INSR: variants seen among roughly 807,000 people sequenced by gnomAD.
INSR encodes the protein insulin receptor, also known as IR.
INSR carries 67 observed loss-of-function variants against 142.6 expected under a neutral mutation model. The observed-to-expected ratio is 0.47, with a 90% CI of 0.39 to 0.58. The LOEUF (loss-of-function observed/expected upper bound fraction) is 0.58. INSR is among the 20% of genes least tolerant of loss of function. The pLI is 0.00. For synonymous variants in INSR, 756 were observed against 743.1 expected (o/e 1.02, Z -0.28); for missense variants, 1,248 against 1,833.2 (o/e 0.68, Z 5.83).
rs1973304369 is a variant in INSR at position 7,150,313 on chromosome 19, T to C, written c.2267+184A>G. Among the ~76,000 whole-genome samples the C allele has an allele frequency of 6.6e-6, 1 of 152,242 alleles. No individual in the cohort carries two copies. Among genetic ancestry groups the C allele is most frequent in the Admixed American group, 6.5e-5 (1 of 15,284 alleles). ...TAGTGAAGGTTTCTCCCCACATTCA[T>C]GCCCAGATTTCATTTCAGAGTGAAG... On this transcript the variant is annotated intron_variant, in intron 11 of 21. Transcript: ENST00000302850. The surrounding 1 kb of genome is among the most constrained non-coding windows in gnomAD (Gnocchi z 4.2).
At chr19:7,189,467 C>G (rs1974518232) in intron 2 of INSR, among the ~76,000 whole-genome samples, 1 of 152,154 alleles carries the variant, frequency 6.6e-6, no homozygotes, top group Non-Finnish European at 1.5e-5. Context: ...CAAGCAAATA[C>G]TTGAGGCTTT....
intron 13 of INSR, among the ~76,000 whole-genome samples, chr19:7,140,285 G>T (rs150445252): frequency 1.4e-3 from 212 of 152,274 alleles, no homozygotes; most frequent in Non-Finnish European, 1.8e-3. Context: ...ATCTCTGTTA[G>T]TTGTTGGCAA....
At chr19:7,257,673 GAAGA>G (rs1976937968) in intron 2 of INSR, among the ~76,000 whole-genome samples, 1 of 151,452 alleles carries the variant, frequency 6.6e-6, no homozygotes, top group African/African-American at 2.4e-5. Flanking sequence ...AGGAAGGAAG[GAAGA>G]AAGGAAGGAG....
chr19:7,203,137 C>T (rs1309431586), intron 2 of INSR, among the ~76,000 whole-genome samples: 1 of 151,790 alleles, frequency 6.6e-6, no homozygotes, highest in Non-Finnish European at 1.5e-5. Context: ...GTTATTCAAA[C>T]TTTTTGTTAC....
At position 7,163,151 on chromosome 19, in the gene INSR, T is replaced by C; in HGVS notation, c.1910A>G (p.Gln637Arg). The change falls in exon 9 of 22, where the codon CAG becomes CGG. Residue 637 changes from glutamine to arginine, a missense_variant. Physicochemically the swap from Gln to Arg is conservative, Grantham distance 43. This residue lies in a region of INSR where 1,069 missense variants were observed against 1,654.0 expected (regional missense o/e 0.65). Coordinates refer to ENST00000302850, the MANE Select transcript of INSR (RefSeq NM_000208.4). The stretch of plus-strand genomic sequence containing the variant: ...GGGTGGTTTCCACTTCAGAATAATC[T>C]GGGATGATGAGTTAGACACTGAGAT... Reference protein sequence around the residue: ...DPISVSNSSSQIILKWKPPSD... With the variant: ...DPISVSNSSSRIILKWKPPSD... 3 of 1,613,840 alleles carry C rather than the reference T, an allele frequency of 1.9e-6. No individual in the cohort carries two copies. The highest frequency in any genetic ancestry group is 2.5e-6 in the Non-Finnish European group (3 of 1,179,888).
chr19:7,151,153 T>TC (rs1457331837), intron 10 of INSR, among the ~76,000 whole-genome samples: 12 of 8,932 alleles, frequency 1.3e-3, no homozygotes, highest in African/African-American at 1.9e-3. Context: ...CTCTTTCCTT[T>TC]CTTTCTTTCT....
rs74201070 is a variant in INSR at position 7,192,937 on chromosome 19, C to G, written c.653-8300G>C. 1.3e-5 allele frequency among the ~76,000 whole-genome samples: 2 copies of G among 152,008 alleles called. No individual in the cohort carries two copies. The highest frequency in any genetic ancestry group is 4.8e-5 in the African/African-American group (2 of 41,368). On this transcript the variant is annotated intron_variant, in intron 2 of 21. Coordinates refer to ENST00000302850, the MANE Select transcript of INSR (RefSeq NM_000208.4). The surrounding 1 kb of genome is among the most constrained non-coding windows in gnomAD (Gnocchi z 4.2). ...TAAGTTGACGGAGGAGAAAGGAGACCGCTGTGTCAGAGTCCTCTGGTGGAC... is the reference window on the plus strand; with the variant it reads ...TAAGTTGACGGAGGAGAAAGGAGACGGCTGTGTCAGAGTCCTCTGGTGGAC...
chr19:7,148,290 C>T (rs1273803478), intron 11 of INSR, among the ~76,000 whole-genome samples: 2 of 152,010 alleles, frequency 1.3e-5, no homozygotes, highest in African/African-American at 4.8e-5. Context: ...CTTCTGACCC[C>T]ATCACCCAGG....
chr19:7,272,007 C>G (rs990858207), intron 1 of INSR, among the ~76,000 whole-genome samples: 11 of 148,398 alleles, frequency 7.4e-5, no homozygotes, highest in African/African-American at 2.2e-4. Flanking sequence ...AATATCTTGT[C>G]TCAAAAGTAA....
rs200180686 is a variant in INSR at position 7,128,985 on chromosome 19, T to C, written c.2843-31A>G. The C allele has an allele frequency of 2.6e-6, 4 of 1,529,122 alleles. No homozygotes were observed. In the African/African-American group the frequency reaches 4.1e-5, roughly 16 times the overall value. 94.7% of individuals were successfully genotyped at this position (1,529,122 alleles called of 1,614,324 possible). On this transcript the variant is annotated intron_variant, in intron 14 of 21. Coordinates refer to ENST00000302850, the MANE Select transcript of INSR (RefSeq NM_000208.4). ...ATAGAATAAGAAAATATATGTTTCATATCAATGTGTTTCCAACAAAGTTCA... is the reference window on the plus strand; with the variant it reads ...ATAGAATAAGAAAATATATGTTTCACATCAATGTGTTTCCAACAAAGTTCA...
intron 1 of INSR, among the ~76,000 whole-genome samples, chr19:7,270,381 T>A (rs183504176): frequency 0.03 from 2,797 of 93,196 alleles, 87 homozygotes; most frequent in African/African-American, 0.11. Context: ...ACACACACAC[T>A]GCAGGTAGAA....
chr19:7,205,753 TGTG>T (rs1343794817), intron 2 of INSR, among the ~76,000 whole-genome samples: 4 of 152,178 alleles, frequency 2.6e-5, no homozygotes, highest in Non-Finnish European at 4.4e-5. Context: ...AGGTGGGCAT[TGTG>T]GTGCACACCT....
At chr19:7,178,127 A>G (rs1974183084) in intron 3 of INSR, among the ~76,000 whole-genome samples, 1 of 151,686 alleles carries the variant, frequency 6.6e-6, no homozygotes, top group Admixed American at 6.6e-5. Flanking sequence ...GTAGGATCAT[A>G]AAGTATGTAT....
At chr19:7,291,402 G>A (rs1041625788) in intron 1 of INSR, among the ~76,000 whole-genome samples, 4 of 152,198 alleles carry the variant, frequency 2.6e-5, no homozygotes, top group African/African-American at 4.8e-5. Context: ...TATGCAAAGC[G>A]CATAGAACAG....
chr19:7,255,797 C>T (rs1364876017), intron 2 of INSR, among the ~76,000 whole-genome samples: 1 of 151,906 alleles, frequency 6.6e-6, no homozygotes, highest in Non-Finnish European at 1.5e-5. Context: ...CCAGGCTGAG[C>T]TCGAATTCTA....
At chr19:7,243,255 T>TC (rs1568213237) in intron 2 of INSR, among the ~76,000 whole-genome samples, 1 of 136,194 alleles carries the variant, frequency 7.3e-6, no homozygotes, top group African/African-American at 2.8e-5. Context: ...TTTTTTTTTT[T>TC]TTTTTTTTGA....
chr19:7,129,914 T>C (rs1972735708), intron 14 of INSR, among the ~76,000 whole-genome samples: 1 of 152,020 alleles, frequency 6.6e-6, no homozygotes, highest in Non-Finnish European at 1.5e-5. Context: ...ATTTTTGTAT[T>C]TTTTTGTGGA....
intron 10 of INSR, chr19:7,151,905 T>G (rs1052944303): frequency 6.6e-6 from 1 of 152,102 alleles, no homozygotes; most frequent in African/African-American, 2.4e-5. Flanking sequence ...TGATCCTTCT[T>G]TCTCAGCCTC....
intron 21 of INSR, among the ~76,000 whole-genome samples, chr19:7,117,703 C>T (rs2144791349): frequency 6.6e-6 from 1 of 152,172 alleles, no homozygotes; most frequent in Non-Finnish European, 1.5e-5. Flanking sequence ...GCCTCCTAGG[C>T]TCGAGCAATC....
Sources: gnomAD v4.1 joint callset for allele counts (sites outside exome capture counted in the v4.1 genomes callset) on GRCh38, gnomAD v4.1.1 for gene constraint, gnomAD v4.1.1 regional missense constraint, Gnocchi (gnomAD v3.1) non-coding constraint, MANE v1.5 for transcripts, NCBI Gene and HGNC (gene_info 2026-07-23, HGNC 2026-07-21) for gene names.